AKAP9: variants seen among roughly 807,000 people sequenced by gnomAD.
The protein encoded by AKAP9 is A-kinase anchor protein 9.
In AKAP9, 311 loss-of-function variants were observed where a neutral mutation model predicts 488.5. The observed-to-expected ratio is 0.64, with a 90% CI of 0.58 to 0.70. The LOEUF (loss-of-function observed/expected upper bound fraction) is 0.70, where lower values mean the gene tolerates loss of function less well. AKAP9 is among the 30% of genes least tolerant of loss of function. The pLI is 0.00. For synonymous variants in AKAP9, 1,462 were observed against 1,483.5 expected (o/e 0.99, Z 0.33); for missense variants, 4,215 against 4,374.5 (o/e 0.96, Z 1.03).
intron 1 of AKAP9, among the ~76,000 whole-genome samples, chr7:91,953,236 C>T (rs1225857131): frequency 6.6e-6 from 1 of 152,140 alleles, no homozygotes; most frequent in Non-Finnish European, 1.5e-5. Context: ...GAGGAGGTTT[C>T]TGTTACTACT....
At chr7:92,081,379 C>G (rs2130865695) in intron 31 of AKAP9, among the ~76,000 whole-genome samples, 1 of 150,868 alleles carries the variant, frequency 6.6e-6, no homozygotes, top group East Asian at 1.9e-4. Flanking sequence ...TCTCAGCTCA[C>G]TGCAGCCTCC....
intron 7 of AKAP9, among the ~76,000 whole-genome samples, chr7:91,997,638 A>G (rs1453975406): frequency 6.6e-6 from 1 of 152,192 alleles, no homozygotes; most frequent in Non-Finnish European, 1.5e-5. Flanking sequence ...TAGAAACAGT[A>G]ATCTTTGAAA....
At chr7:92,103,191 C>T (rs756628133) in intron 46 of AKAP9, among the ~76,000 whole-genome samples, 51 of 151,660 alleles carry the variant, frequency 3.4e-4, no homozygotes, top group Non-Finnish European at 6.2e-4. Flanking sequence ...GAGATCGAGA[C>T]CAGCCTGGCC....
At chr7:91,992,390 G>A (rs1374009322) in intron 4 of AKAP9, among the ~76,000 whole-genome samples, 179 bp downstream of exon 4, 1 of 152,072 alleles carries the variant, frequency 6.6e-6, no homozygotes, top group Non-Finnish European at 1.5e-5. Context: ...TAGGCCAGGC[G>A]TGGTGGCTTA....
At chr7:91,997,295 G>T (rs1798515984) in intron 7 of AKAP9, among the ~76,000 whole-genome samples, 1 of 152,204 alleles carries the variant, frequency 6.6e-6, no homozygotes, top group Non-Finnish European at 1.5e-5. Context: ...ACAAAACAGG[G>T]ATAAGTGTGG....
At chr7:92,051,635 T>C (rs181769320) in intron 21 of AKAP9, among the ~76,000 whole-genome samples, 11 of 152,338 alleles carry the variant, frequency 7.2e-5, no homozygotes, top group African/African-American at 2.4e-4. Flanking sequence ...GTATCTGATG[T>C]CATTACTACA....
At position 92,065,380 on chromosome 7, in the gene AKAP9, G is replaced by GA. The variant is rs1233697991; in HGVS notation, c.6134dup (p.Asn2045LysfsTer3). 6.2e-7 allele frequency: 1 copy of GA among 1,612,574 alleles called. No individual in the cohort carries two copies. ...CAGTAGGTTTATAGAGCTGGAACAA[G>GA]AAAAAAATACTGAACTAATGGATTT... On this transcript the variant is annotated frameshift_variant, in exon 25 of 50. Coordinates refer to ENST00000356239, the MANE Select transcript of AKAP9 (RefSeq NM_005751.5). LOFTEE classifies it high-confidence loss of function.
Position 92,062,478 on chromosome 7 carries a change from T to C in AKAP9, c.5969T>C (p.Val1990Ala). Reference sequence around the variant, plus strand: ...GCTATGAAAGCAGAGGCAGGCCCAGTTGAACAACGTAAGTATTTTCAGAAT... The same window carrying C: ...GCTATGAAAGCAGAGGCAGGCCCAGCTGAACAACGTAAGTATTTTCAGAAT... ...KEAMKAEAGP[V>A]EQQLLQETEK... Residue 1990 changes from valine (V) to alanine (A), a missense_variant, in exon 24 of 50, where the codon GTT (valine) becomes GCT (alanine). This residue lies in a region of AKAP9 where 2,361 missense variants were observed against 2,430.0 expected (regional missense o/e 0.97). Coordinates refer to ENST00000356239, the MANE Select transcript of AKAP9 (RefSeq NM_005751.5). 6.2e-7 allele frequency: 1 copy of C among 1,612,856 alleles called. No individual in the cohort carries two copies. The highest frequency in any genetic ancestry group is 8.5e-7 in the Non-Finnish European group (1 of 1,179,156).
intron 1 of AKAP9, among the ~76,000 whole-genome samples, chr7:91,969,193 A>G (rs538555928): frequency 6.9e-4 from 105 of 152,224 alleles, no homozygotes; most frequent in Non-Finnish European, 1.3e-3. Context: ...CCCAGCAGGA[A>G]CATACTTAAT....
At chr7:92,045,542 C>T (rs1401190231) in intron 21 of AKAP9, among the ~76,000 whole-genome samples, 1 of 152,080 alleles carries the variant, frequency 6.6e-6, no homozygotes, top group Non-Finnish European at 1.5e-5. Flanking sequence ...GGATGACATC[C>T]TGAAACCATC....
At position 92,098,203 on chromosome 7, in the gene AKAP9, C is replaced by G. The variant is rs1354453667; in HGVS notation, c.10702C>G (p.Gln3568Glu). The change falls in exon 43 of 50, where the codon CAA becomes GAA. Residue 3568 changes from glutamine (Q) to glutamate (E), a missense_variant. By Grantham distance (29) the Gln-to-Glu change is conservative. This residue lies in a region of AKAP9 where 1,476 missense variants were observed against 1,477.4 expected (regional missense o/e 1.00). Transcript: ENST00000356239. ...ILQLQKLTGQ[Q>E]GEEPSLVSPS... is the part of the protein sequence containing the mutation. ...ACAACTACAGAAATTAACTGGCCAG[C>G]AAGGTGAAGAGGTAATACTTTTTAA... 6.3e-7 allele frequency: 1 copy of G among 1,599,298 alleles called. No individual in the cohort carries two copies. The highest frequency in any genetic ancestry group is 8.6e-7 in the Non-Finnish European group (1 of 1,166,888).
intron 14 of AKAP9, 104 bp from the exon 15 acceptor site, chr7:92,029,791 G>T: frequency 2.2e-6 from 2 of 894,332 alleles, no homozygotes; most frequent in South Asian, 1.4e-5. Flanking sequence ...ACTCATTTTT[G>T]TCTCCCATGC....
Position 92,076,891 on chromosome 7 carries a change from G to A in AKAP9, c.6649G>A (p.Glu2217Lys). 6.7e-7 allele frequency: 1 copy of A among 1,501,554 alleles called. No individual in the cohort carries two copies. The highest frequency in any genetic ancestry group is 9.1e-7 in the Non-Finnish European group (1 of 1,095,754). 93.0% of individuals were successfully genotyped at this position (1,501,554 alleles called of 1,614,324 possible). ...NLEEQLEQFR[E>K]ELENKNEEVQ... ...AGAAGAGCAATTAGAACAGTTTAGA[G>A]AAGAACTGGAAAATAAGAATGAAGA... The change falls in exon 29 of 50, where the codon GAA becomes AAA. Residue 2217 changes from glutamate (E) to lysine (K), a missense_variant. Glu to Lys is a moderately conservative substitution (Grantham distance 56). Transcript: ENST00000356239.
At chr7:91,989,612 T>C (rs1020164910) in intron 3 of AKAP9, among the ~76,000 whole-genome samples, 1 of 152,040 alleles carries the variant, frequency 6.6e-6, no homozygotes, top group Admixed American at 6.6e-5. Flanking sequence ...TTATTATAGA[T>C]TTCATCTGAT....
At chr7:91,977,623 C>T (rs1346291517) in intron 2 of AKAP9, among the ~76,000 whole-genome samples, 2 of 152,202 alleles carry the variant, frequency 1.3e-5, no homozygotes. Context: ...CTGTGTTCCT[C>T]AGGGACGGTT....
rs376969958 is a variant in AKAP9, at chr7:92,077,088, AT to A, written c.6765+84del. The stretch of plus-strand genomic sequence containing the variant: ...TTGCTTTATTATTATTATTATTATT[AT>A]TTCTTTCTTTTTTTTTTTTTTTTTG... On this transcript the variant is annotated intron_variant, in intron 29 of 49. Coordinates refer to ENST00000356239, the MANE Select transcript of AKAP9 (RefSeq NM_005751.5). The A allele has an allele frequency of 4.4e-4, 123 of 280,070 alleles. 2 individuals are homozygous for A. The highest frequency in any genetic ancestry group is 4.7e-4 in the East Asian group (7 of 15,044). The allele number at this position is 280,070 out of a possible 1,614,324, so 17.3% of individuals were successfully genotyped here.
intron 14 of AKAP9, among the ~76,000 whole-genome samples, chr7:92,025,345 G>A (rs185195259): frequency 2.6e-5 from 4 of 152,268 alleles, no homozygotes; most frequent in Admixed American, 1.3e-4. Flanking sequence ...ATACTCCATG[G>A]AAATGTGTTG....
At chr7:92,108,389 T>G in intron 48 of AKAP9, 105 bp from the exon 49 acceptor site, 1 of 1,075,162 alleles carries the variant, frequency 9.3e-7, no homozygotes, top group Non-Finnish European at 1.4e-6. Context: ...ACATTATGTG[T>G]GTACAAGTGA....
At chr7:92,010,670 T>A (rs1200853090) in intron 8 of AKAP9, among the ~76,000 whole-genome samples, 1 of 152,160 alleles carries the variant, frequency 6.6e-6, no homozygotes, top group Non-Finnish European at 1.5e-5. Context: ...TATTTTATTT[T>A]TTTAGAGACA....
Sources: gnomAD v4.1 joint callset for allele counts (sites outside exome capture counted in the v4.1 genomes callset) on GRCh38, gnomAD v4.1.1 for gene constraint, gnomAD v4.1.1 regional missense constraint, MANE v1.5 for transcripts, NCBI Gene and HGNC (gene_info 2026-07-23, HGNC 2026-07-21) for gene names.